The following SAMTOR variants were observed in gnomAD, a reference collection of about 807,000 sequenced individuals.
SAMTOR encodes S-adenosylmethionine sensor upstream of mTORC1, also known as UPF0532 protein C7orf60.
chr7:112,828,354 T>C, the SAMTOR span, among the ~76,000 whole-genome samples: 1 of 152,198 alleles, frequency 6.6e-6, no homozygotes, highest in African/African-American at 2.4e-5. Flanking sequence ...GCCTCTTGCC[T>C]TGCCTCTAGT....
chr7:112,823,029 T>C, the SAMTOR span, among the ~76,000 whole-genome samples: 1 of 152,102 alleles, frequency 6.6e-6, no homozygotes, highest in African/African-American at 2.4e-5. Flanking sequence ...CTTAAAACTA[T>C]GGAAATGAAT....
chr7:112,893,493 C>T, the SAMTOR span, among the ~76,000 whole-genome samples: 1 of 152,290 alleles, frequency 6.6e-6, no homozygotes, highest in African/African-American at 2.4e-5. Flanking sequence ...GAGTTAGACC[C>T]TTGCTCTGGA....
the SAMTOR span, among the ~76,000 whole-genome samples, chr7:112,844,016 A>C: frequency 6.6e-6 from 1 of 152,120 alleles, no homozygotes; most frequent in Non-Finnish European, 1.5e-5. Context: ...AAACAGAACT[A>C]AAGACAAAAA....
the SAMTOR span, among the ~76,000 whole-genome samples, chr7:112,934,695 C>G: frequency 2.1e-3 from 321 of 152,258 alleles, 1 homozygote; most frequent in African/African-American, 7.4e-3. Flanking sequence ...TTTATATATA[C>G]AGATGTCTGT....
the SAMTOR span, among the ~76,000 whole-genome samples, chr7:112,875,293 C>A: frequency 3.3e-5 from 5 of 152,204 alleles, no homozygotes; most frequent in Admixed American, 6.5e-5. Flanking sequence ...ATCAAACCCA[C>A]GGGTTGTGTG....
chr7:112,876,796 C>G, the SAMTOR span, among the ~76,000 whole-genome samples: 1 of 152,172 alleles, frequency 6.6e-6, no homozygotes, highest in African/African-American at 2.4e-5. Context: ...AAAACTCAGT[C>G]AGCTGTACTA....
chr7:112,846,704 G>A, the SAMTOR span, among the ~76,000 whole-genome samples: 7 of 152,146 alleles, frequency 4.6e-5, no homozygotes, highest in Non-Finnish European at 8.8e-5. Context: ...CTTCTAACGA[G>A]TACACCAGCA....
At chr7:112,827,428 T>C in the SAMTOR span, among the ~76,000 whole-genome samples, 1 of 152,222 alleles carries the variant, frequency 6.6e-6, no homozygotes, top group African/African-American at 2.4e-5. Flanking sequence ...GCTGATTAGG[T>C]ATAACTCTTT....
chr7:112,838,356 A>G, the SAMTOR span, among the ~76,000 whole-genome samples: 1 of 151,974 alleles, frequency 6.6e-6, no homozygotes, highest in Admixed American at 6.6e-5. Flanking sequence ...AAATATTGAT[A>G]GTCTTACTTT....
the SAMTOR span, among the ~76,000 whole-genome samples, chr7:112,854,689 C>T: frequency 6.6e-6 from 1 of 152,062 alleles, no homozygotes; most frequent in East Asian, 1.9e-4. Context: ...TCCAATGTTT[C>T]CCCAAATTTA....
At chr7:112,837,629 A>C in the SAMTOR span, among the ~76,000 whole-genome samples, 5 of 151,860 alleles carry the variant, frequency 3.3e-5, no homozygotes, top group Non-Finnish European at 7.4e-5. Flanking sequence ...GGAAGGTCCT[A>C]ATTTGGTTTC....
At chr7:112,911,168 C>T in the SAMTOR span, among the ~76,000 whole-genome samples, 108 of 152,202 alleles carry the variant, frequency 7.1e-4, 1 homozygote, top group Admixed American at 8.5e-4. Context: ...GATAATTCTC[C>T]CCATTCTCCT....
the SAMTOR span, among the ~76,000 whole-genome samples, chr7:112,860,614 A>G: frequency 6.6e-6 from 1 of 152,168 alleles, no homozygotes; most frequent in Non-Finnish European, 1.5e-5. Context: ...AAAAAAGTCA[A>G]CAGATTTGCC....
Sources: gnomAD v4.1 joint callset for allele counts (sites outside exome capture counted in the v4.1 genomes callset) on GRCh38, gnomAD v4.1.1 for gene constraint, MANE v1.5 for transcripts, NCBI Gene and HGNC (gene_info 2026-07-23, HGNC 2026-07-21) for gene names.